Variants in FSIP1 observed in about 807,000 individuals in gnomAD.
The protein encoded by FSIP1 is fibrous sheath-interacting protein 1.
FSIP1 carries 65 observed loss-of-function variants against 60.9 expected under a neutral mutation model. That is an observed-to-expected ratio of 1.07 (90% confidence interval 0.87 to 1.31). FSIP1 has a LOEUF of 1.31. FSIP1 is among the 40% of genes most tolerant of loss of function. The pLI is 0.00. For missense variants in FSIP1, 675 were observed against 665.5 expected (o/e 1.01, Z -0.16); for synonymous variants, 209 against 221.2 (o/e 0.94, Z 0.49).
chr15:39,713,509 G>T lies in FSIP1; in HGVS notation c.1123C>A (p.Gln375Lys), dbSNP rs1431588039. 6.2e-7 allele frequency: 1 copy of T among 1,610,166 alleles called. No homozygotes were observed. The highest frequency in any genetic ancestry group is 1.1e-5 in the South Asian group (1 of 90,428). The change falls in exon 10 of 12, where the codon CAA (glutamine) becomes AAA (lysine). Residue 375 changes from glutamine (Q) to lysine (K), a missense_variant. Gln to Lys is a moderately conservative substitution (Grantham distance 53, BLOSUM62 1). Coordinates refer to ENST00000350221, the MANE Select transcript of FSIP1 (RefSeq NM_152597.5). ...GEKILRNTKEQRDLHNRLREI... is the reference protein window; with the variant it reads ...GEKILRNTKEKRDLHNRLREI... ...CTCAGCCGATTATGCAGATCGCGTT[G>T]CTCTTTGGTGTTCCTAAGTATCTTT...
At chr15:39,739,063 T>C (rs891668871) in intron 7 of FSIP1, among the ~76,000 whole-genome samples, 5 of 152,230 alleles carry the variant, frequency 3.3e-5, no homozygotes, top group Admixed American at 2.6e-4. Context: ...CACATTCTGG[T>C]CTAACCCAGG....
At chr15:39,621,271 C>T (rs910704966) in intron 10 of FSIP1, among the ~76,000 whole-genome samples, 1 of 152,140 alleles carries the variant, frequency 6.6e-6, no homozygotes, top group African/African-American at 2.4e-5. Flanking sequence ...CACCCCAAAG[C>T]TCCTATAAGT....
rs114211532 is a variant in FSIP1 at position 39,730,934 on chromosome 15, C to T, written c.892-4187G>A. ...ATCTGCCCGGTGTACAAACCTGGTT[C>T]CCCAAACTTCCCACTGAGTCTATGG... On this transcript the variant is annotated intron_variant, in intron 8 of 11. Transcript: ENST00000350221. Among the ~76,000 whole-genome samples, 597 of 152,250 alleles carry T rather than the reference C, an allele frequency of 3.9e-3. 1 individual carries two copies. Among genetic ancestry groups the T allele is most frequent in the African/African-American group, 0.014 (573 of 41,544 alleles).
intron 10 of FSIP1, among the ~76,000 whole-genome samples, chr15:39,619,320 A>G (rs1891358089): frequency 6.6e-6 from 1 of 152,224 alleles, no homozygotes; most frequent in Non-Finnish European, 1.5e-5. Flanking sequence ...GTTTAAAATT[A>G]TGTTTAACTT....
intron 9 of FSIP1, among the ~76,000 whole-genome samples, chr15:39,717,483 T>C (rs548377243): frequency 1.4e-4 from 22 of 152,290 alleles, no homozygotes; most frequent in African/African-American, 4.8e-4. Flanking sequence ...TTTTCTTAGA[T>C]TCAACTGCAT....
At chr15:39,599,210 G>A (rs1385812558), downstream of FSIP1, 3 of 152,146 alleles carry the variant, frequency 2.0e-5, no homozygotes, top group African/African-American at 7.2e-5. Context: ...AAATCAGGGT[G>A]ACTTTTTAAA....
chr15:39,741,324 G>A (rs1896793728), intron 6 of FSIP1, among the ~76,000 whole-genome samples: 2 of 152,292 alleles, frequency 1.3e-5, no homozygotes, highest in South Asian at 4.1e-4. Flanking sequence ...GTCTGGTATT[G>A]ACATAGCTGC....
At chr15:39,749,110 AC>A (rs1897085294) in intron 5 of FSIP1, among the ~76,000 whole-genome samples, 1 of 151,884 alleles carries the variant, frequency 6.6e-6, no homozygotes, top group African/African-American at 2.4e-5. Context: ...TCAGGAAGAA[AC>A]AGAAAGCCTG....
At chr15:39,763,066 G>A (rs947437386) in intron 5 of FSIP1, among the ~76,000 whole-genome samples, 17 of 151,946 alleles carry the variant, frequency 1.1e-4, no homozygotes, top group Non-Finnish European at 1.8e-4. Context: ...TATTAATAGT[G>A]GTTATCTCTA....
chr15:39,759,343 G>C (rs756515202), intron 5 of FSIP1, among the ~76,000 whole-genome samples: 4 of 152,012 alleles, frequency 2.6e-5, no homozygotes, highest in Admixed American at 2.6e-4. Flanking sequence ...CTAAACCAAA[G>C]AATAAATCTA....
chr15:39,659,249 TA>T (rs1221993629), intron 10 of FSIP1, among the ~76,000 whole-genome samples: 1 of 151,984 alleles, frequency 6.6e-6, no homozygotes, highest in Non-Finnish European at 1.5e-5. Context: ...GTGAGTACAG[TA>T]AAAAACACTG....
At chr15:39,599,556 T>A (rs1029182587), downstream of FSIP1, 1 of 138,164 alleles carries the variant, frequency 7.2e-6, no homozygotes, top group African/African-American at 2.7e-5. Flanking sequence ...TCTCTCTCTC[T>A]CTCTCTCTCA....
chr15:39,624,258 C>T (rs1317940204), intron 10 of FSIP1, among the ~76,000 whole-genome samples: 1 of 152,134 alleles, frequency 6.6e-6, no homozygotes. Context: ...AAGTACGTAA[C>T]CATCAGAAGG....
chr15:39,610,882 T>A (rs56938133), intron 11 of FSIP1, among the ~76,000 whole-genome samples: 32,926 of 152,024 alleles, frequency 0.22, 4,639 homozygotes, highest in African/African-American at 0.39. Flanking sequence ...AGCAAAGCTA[T>A]TCCTCAGAAA....
chr15:39,746,969 C>A (rs1389761961), intron 5 of FSIP1, among the ~76,000 whole-genome samples: 1 of 151,572 alleles, frequency 6.6e-6, no homozygotes, highest in African/African-American at 2.4e-5. Flanking sequence ...AGTGATTTTC[C>A]TGTTAGACCC....
intron 8 of FSIP1, 57 bp from the exon 9 acceptor site, chr15:39,726,804 A>G: frequency 2.0e-6 from 3 of 1,484,594 alleles, no homozygotes; most frequent in Non-Finnish European, 1.8e-6. Flanking sequence ...GCCAAAATAT[A>G]CCTTTCAAGT....
chr15:39,738,228 C>A, intron 7 of FSIP1, 27 bp from the exon 8 acceptor site: 2 of 1,439,840 alleles, frequency 1.4e-6, no homozygotes, highest in South Asian at 1.2e-5. Context: ...TGGAAAATAT[C>A]ATATACTCAA....
At chr15:39,716,124 ATG>A (rs746730477) in intron 9 of FSIP1, among the ~76,000 whole-genome samples, 1 of 152,158 alleles carries the variant, frequency 6.6e-6, no homozygotes, top group African/African-American at 2.4e-5. Flanking sequence ...AGGAAATCTA[ATG>A]TTAGGGGGAA....
At chr15:39,747,854 G>T (rs1897048954) in intron 5 of FSIP1, among the ~76,000 whole-genome samples, 1 of 152,010 alleles carries the variant, frequency 6.6e-6, no homozygotes, top group African/African-American at 2.4e-5. Flanking sequence ...TTTTAAATCA[G>T]AAAAATTTCC....
Sources: allele counts gnomAD v4.1 joint callset (sites outside exome capture counted in the v4.1 genomes callset), GRCh38; gene constraint gnomAD v4.1.1; transcripts MANE v1.5; gene names NCBI Gene and HGNC (gene_info 2026-07-23, HGNC 2026-07-21).